CCSER1: variants seen among roughly 807,000 people sequenced by gnomAD.
CCSER1 encodes coiled-coil serine rich protein 1, also known as serine-rich coiled-coil domain-containing protein 1.
A neutral mutation model predicts 82.0 loss-of-function variants in CCSER1; 41 were observed. The observed-to-expected ratio is 0.50, with a 90% CI of 0.39 to 0.65. The LOEUF is 0.65. CCSER1 is among the 30% of genes least tolerant of loss of function. CCSER1 has a pLI of 0.00. For missense variants in CCSER1, 1,119 were observed against 1,064.2 expected (o/e 1.05, Z -0.72); for synonymous variants, 414 against 383.9 (o/e 1.08, Z -0.92).
chr4:90,442,365 A>C (rs1760010282), intron 4 of CCSER1, among the ~76,000 whole-genome samples: 1 of 152,144 alleles, frequency 6.6e-6, no homozygotes, highest in Non-Finnish European at 1.5e-5. Flanking sequence ...GGTGAACTCT[A>C]GGATTGTCTA....
intron 1 of CCSER1, among the ~76,000 whole-genome samples, chr4:90,171,309 A>C (rs1731630816): frequency 6.6e-6 from 1 of 151,912 alleles, no homozygotes; most frequent in Non-Finnish European, 1.5e-5. Flanking sequence ...AAATCTTAAA[A>C]ATGTTATTAA....
chr4:91,068,120 C>T (rs573822084), intron 9 of CCSER1, among the ~76,000 whole-genome samples: 1 of 152,186 alleles, frequency 6.6e-6, no homozygotes, highest in Admixed American at 6.5e-5. Flanking sequence ...GATGTTATTA[C>T]CAGATAGGGA....
At chr4:90,228,076 A>G (rs1743588598) in intron 1 of CCSER1, among the ~76,000 whole-genome samples, 1 of 152,198 alleles carries the variant, frequency 6.6e-6, no homozygotes, top group Admixed American at 6.5e-5. Flanking sequence ...AGGCTTGCTT[A>G]GGTAAACAGA....
intron 8 of CCSER1, among the ~76,000 whole-genome samples, chr4:90,821,847 G>T (rs952457511): frequency 2.6e-5 from 4 of 151,990 alleles, no homozygotes; most frequent in Non-Finnish European, 5.9e-5. Context: ...ATACTGAAGG[G>T]CACTGTAAAT....
intron 10 of CCSER1, among the ~76,000 whole-genome samples, chr4:91,141,295 A>C (rs1431468630): frequency 6.6e-6 from 1 of 152,028 alleles, no homozygotes; most frequent in Non-Finnish European, 1.5e-5. Context: ...TTGGAATTAC[A>C]GGCACCTGCC....
chr4:90,227,439 G>C (rs1318285092), intron 1 of CCSER1, among the ~76,000 whole-genome samples: 1 of 152,152 alleles, frequency 6.6e-6, no homozygotes, highest in South Asian at 2.1e-4. Context: ...CCTAATATTT[G>C]TAACTACACA....
Position 90,400,040 on chromosome 4 carries a change from T to G in CCSER1, c.1514T>G (p.Val505Gly). 1 of 1,592,974 alleles carries G rather than the reference T, an allele frequency of 6.3e-7. No individual in the cohort carries two copies. Among genetic ancestry groups the G allele is most frequent in the Non-Finnish European group, 8.6e-7 (1 of 1,162,862 alleles). The change falls in exon 4 of 11, where the codon GTT becomes GGT. Residue 505 changes from valine to glycine, a missense_variant. Coordinates refer to ENST00000509176, the MANE Select transcript of CCSER1 (RefSeq NM_001145065.2). ...SSSSKMNSLD[V>G]LNNLGSCELD... ...TTGGTTTTGATTTTTCTTCAGGATG[T>G]TTTGAATAATTTGGGATCTTGTGAA...
intron 10 of CCSER1, among the ~76,000 whole-genome samples, chr4:91,368,787 A>T (rs1304303286): frequency 6.6e-6 from 1 of 152,184 alleles, no homozygotes. Context: ...ATTACTATAA[A>T]GTTTACAAAA....
At chr4:90,811,908 TATACACACACAC>T (rs1309197839) in intron 7 of CCSER1, among the ~76,000 whole-genome samples, 17 of 118,466 alleles carry the variant, frequency 1.4e-4, no homozygotes, top group East Asian at 2.6e-4. Context: ...GGAATATATA[TATACACACACAC>T]ACACACACAC....
chr4:90,707,242 GT>G lies in CCSER1; in HGVS notation c.1933-16662del, dbSNP rs201957681. Among the ~76,000 whole-genome samples, 129 of 146,158 alleles carry G rather than the reference GT, an allele frequency of 8.8e-4. No individual in the cohort carries two copies. In the East Asian group the frequency reaches 0.023, roughly 26 times the overall value. On this transcript the variant is annotated intron_variant, in intron 6 of 10. Coordinates refer to ENST00000509176, the MANE Select transcript of CCSER1 (RefSeq NM_001145065.2). ...ACCTTGGATTTTAGCTCCTTGAACT[GT>G]TTTTTTTTTCAATAATCTTGTTCTC...
intron 5 of CCSER1, among the ~76,000 whole-genome samples, chr4:90,609,473 C>A (rs1169159289): frequency 8.8e-6 from 1 of 113,004 alleles, no homozygotes; most frequent in African/African-American, 5.9e-5. Context: ...ATATAGTTTT[C>A]CTTTTGATAG....
intron 4 of CCSER1, among the ~76,000 whole-genome samples, chr4:90,454,423 A>G (rs1761911627): frequency 6.6e-6 from 1 of 152,130 alleles, no homozygotes; most frequent in East Asian, 1.9e-4. Flanking sequence ...AGAGATAGAG[A>G]GGTATGCTTT....
At chr4:91,516,183 C>T (rs1760110201) in intron 10 of CCSER1, among the ~76,000 whole-genome samples, 1 of 152,008 alleles carries the variant, frequency 6.6e-6, no homozygotes, top group Non-Finnish European at 1.5e-5. Flanking sequence ...TTGACAGTTT[C>T]TTTTGCTGTG....
chr4:90,900,421 C>T (rs1008034921), intron 8 of CCSER1, among the ~76,000 whole-genome samples: 9 of 151,730 alleles, frequency 5.9e-5, no homozygotes, highest in Non-Finnish European at 1.3e-4. Flanking sequence ...CATTTTATTT[C>T]GTTTGAAATT....
At chr4:90,974,634 T>C (rs1735441226) in intron 9 of CCSER1, among the ~76,000 whole-genome samples, 1 of 151,280 alleles carries the variant, frequency 6.6e-6, no homozygotes, top group African/African-American at 2.4e-5. Flanking sequence ...CCTTTACCCA[T>C]TAGGGGTATG....
At chr4:90,922,861 A>T (rs1045120791) in intron 8 of CCSER1, among the ~76,000 whole-genome samples, 4 of 152,162 alleles carry the variant, frequency 2.6e-5, no homozygotes, top group African/African-American at 9.7e-5. Context: ...TCCCTTCCCT[A>T]GTTATCACAG....
intron 10 of CCSER1, among the ~76,000 whole-genome samples, chr4:91,143,558 G>C (rs1729249552): frequency 6.6e-6 from 1 of 151,840 alleles, no homozygotes; most frequent in African/African-American, 2.4e-5. Flanking sequence ...TCTTATCCCA[G>C]GGGGAATGCC....
intron 5 of CCSER1, among the ~76,000 whole-genome samples, chr4:90,627,037 G>T (rs1579562862): frequency 6.6e-6 from 1 of 152,078 alleles, no homozygotes; most frequent in Non-Finnish European, 1.5e-5. Flanking sequence ...GGAGTGGTTA[G>T]CACAGTACTT....
chr4:91,133,906 C>T (rs1728224744), intron 10 of CCSER1, among the ~76,000 whole-genome samples: 1 of 152,092 alleles, frequency 6.6e-6, no homozygotes, highest in Non-Finnish European at 1.5e-5. Context: ...CAAGACCAGC[C>T]TGACCAACAT....
Sources: gnomAD v4.1 joint callset for allele counts (sites outside exome capture counted in the v4.1 genomes callset) on GRCh38, gnomAD v4.1.1 for gene constraint, MANE v1.5 for transcripts, NCBI Gene and HGNC (gene_info 2026-07-23, HGNC 2026-07-21) for gene names.